Variants in LZTFL1 observed in about 807,000 individuals in gnomAD.
The protein encoded by LZTFL1 is leucine zipper transcription factor like 1, also known as leucine zipper transcription factor-like protein 1.
In LZTFL1, 25 loss-of-function variants were observed where a neutral mutation model predicts 45.9. That is an observed-to-expected ratio of 0.54 (90% confidence interval 0.40 to 0.76). The LOEUF is 0.76. Ranked by LOEUF, LZTFL1 falls within the 30% of genes least tolerant of loss-of-function variation. LZTFL1 has a pLI of 0.00. For synonymous variants in LZTFL1, 93 were observed against 117.4 expected, an observed-to-expected ratio of 0.79 and a Z score of 1.35; for missense variants, 277 against 331.1, an observed-to-expected ratio of 0.84 and a Z score of 1.27.
Position 45,901,397 on chromosome 3 carries a change from T to C in LZTFL1, c.-215+11723A>G. On this transcript the variant is annotated intron_variant, in intron 2 of 4. Coordinates refer to the LZTFL1 transcript ENST00000472635. The surrounding 1 kb of genome is among the most constrained non-coding windows in gnomAD (Gnocchi z 4.3). ...TTGCTATCTGCACCATGGTTTACCC[T>C]AGCGATGAGAGCACCAAACTGAAGT... 1 of 1,614,234 alleles carries C rather than the reference T, an allele frequency of 6.2e-7. No individual in the cohort carries two copies. Among genetic ancestry groups the C allele is most frequent in the Non-Finnish European group, 8.5e-7 (1 of 1,180,032 alleles).
chr3:45,904,687 T>G (rs1487230903), intron 2 of LZTFL1, among the ~76,000 whole-genome samples: 1 of 152,242 alleles, frequency 6.6e-6, no homozygotes. Context: ...GGTGTTGACT[T>G]GAATACAAAG....
chr3:45,839,677 G>T (rs1419848441), intron 1 of LZTFL1, among the ~76,000 whole-genome samples: 1 of 152,172 alleles, frequency 6.6e-6, no homozygotes, highest in Non-Finnish European at 1.5e-5. Context: ...AGGTAGGGGG[G>T]CCTGATTTGT....
chr3:45,834,565 C>A (rs1056218597), intron 3 of LZTFL1: 1 of 275,990 alleles, frequency 3.6e-6, no homozygotes, highest in African/African-American at 2.2e-5. Context: ...AATGTTAATA[C>A]AAATATGAGG....
At chr3:45,870,542 G>A (rs1181841729) in intron 2 of LZTFL1, among the ~76,000 whole-genome samples, 1 of 152,204 alleles carries the variant, frequency 6.6e-6, no homozygotes, top group African/African-American at 2.4e-5. Context: ...GATGAACAAT[G>A]AGTGCTTTTG....
intron 3 of LZTFL1, among the ~76,000 whole-genome samples, chr3:45,857,068 T>A (rs1701405010): frequency 6.6e-6 from 1 of 152,204 alleles, no homozygotes; most frequent in South Asian, 2.1e-4. Context: ...GATACATGCA[T>A]GTGTGTATTC....
intron 2 of LZTFL1, among the ~76,000 whole-genome samples, chr3:45,868,832 C>A (rs1029245162): frequency 6.6e-6 from 1 of 152,154 alleles, no homozygotes; most frequent in Non-Finnish European, 1.5e-5. Context: ...ATGGGGCAGG[C>A]CTTCTCCCCA....
At chr3:45,858,301 A>G (rs1017393923) in intron 3 of LZTFL1, among the ~76,000 whole-genome samples, 2 of 152,200 alleles carry the variant, frequency 1.3e-5, no homozygotes, top group African/African-American at 2.4e-5. Flanking sequence ...GAAAAATTCC[A>G]CAAGGCTTAT....
intron 2 of LZTFL1, among the ~76,000 whole-genome samples, chr3:45,863,906 G>A (rs1289516992): frequency 6.6e-6 from 1 of 152,178 alleles, no homozygotes; most frequent in African/African-American, 2.4e-5. Context: ...TGGTGAATTT[G>A]AATAATATAA....
intron 4 of LZTFL1, among the ~76,000 whole-genome samples, chr3:45,853,593 A>G (rs563098491): frequency 1.3e-5 from 2 of 152,252 alleles, no homozygotes; most frequent in South Asian, 2.1e-4. Context: ...ACTCTTGTCC[A>G]GGGTTAACTA....
chr3:45,914,534 A>G (rs1023327076), intron 1 of LZTFL1, among the ~76,000 whole-genome samples: 1 of 152,128 alleles, frequency 6.6e-6, no homozygotes, highest in African/African-American at 2.4e-5. Context: ...TCGGCCACCC[A>G]AAATGCTGGG....
intron 2 of LZTFL1, among the ~76,000 whole-genome samples, chr3:45,892,018 C>T (rs1702193791): frequency 6.6e-6 from 1 of 152,112 alleles, no homozygotes; most frequent in African/African-American, 2.4e-5. Flanking sequence ...TCAAATCCAA[C>T]ACCATCAACA....
At chr3:45,838,120 C>T (rs1701012761) in intron 1 of LZTFL1, 69 bp from the exon 2 acceptor site, 1 of 1,483,362 alleles carries the variant, frequency 6.7e-7, no homozygotes, top group Non-Finnish European at 9.1e-7. Context: ...AATGAAAATG[C>T]ATAAGATATC....
At chr3:45,885,179 C>T (rs2125732006) in intron 2 of LZTFL1, among the ~76,000 whole-genome samples, 1 of 152,292 alleles carries the variant, frequency 6.6e-6, no homozygotes. Context: ...GAGTACCACG[C>T]CATGACAGAG....
At chr3:45,868,943 C>T (rs1252149559) in intron 2 of LZTFL1, among the ~76,000 whole-genome samples, 4 of 152,302 alleles carry the variant, frequency 2.6e-5, no homozygotes, top group African/African-American at 9.6e-5. Flanking sequence ...AATGCAGACT[C>T]TCAGGCCCCA....
intron 2 of LZTFL1, among the ~76,000 whole-genome samples, chr3:45,888,037 T>C (rs1702036725): frequency 6.6e-6 from 1 of 152,236 alleles, no homozygotes; most frequent in African/African-American, 2.4e-5. Context: ...GTGTGCACAA[T>C]AACCCCATGC....
chr3:45,841,939 G>A, intron 1 of LZTFL1, 50 bp downstream of exon 1: 1 of 1,602,854 alleles, frequency 6.2e-7, no homozygotes, highest in Non-Finnish European at 8.5e-7. Context: ...TCCAGCCCCG[G>A]CCGCGCTCTC....
At chr3:45,843,650 T>C (rs1200208379), upstream of LZTFL1, among the ~76,000 whole-genome samples, 2 of 152,238 alleles carry the variant, frequency 1.3e-5, no homozygotes, top group East Asian at 3.8e-4. Flanking sequence ...CATCAGCTAG[T>C]TATTGTAATT....
intron 2 of LZTFL1, among the ~76,000 whole-genome samples, chr3:45,866,368 C>T (rs373363871): frequency 3.3e-5 from 5 of 151,972 alleles, no homozygotes; most frequent in African/African-American, 4.8e-5. Context: ...AAAATGAAGA[C>T]GAAAAATTTA....
At chr3:45,912,312 A>G (rs1702810100) in intron 2 of LZTFL1, among the ~76,000 whole-genome samples, 1 of 152,236 alleles carries the variant, frequency 6.6e-6, no homozygotes, top group South Asian at 2.1e-4. Flanking sequence ...ACTCTTTGGT[A>G]GAAATATTAC....
Sources: gnomAD v4.1 joint callset for allele counts (sites outside exome capture counted in the v4.1 genomes callset) on GRCh38, gnomAD v4.1.1 for gene constraint, Gnocchi (gnomAD v3.1) non-coding constraint, MANE v1.5 for transcripts, NCBI Gene and HGNC (gene_info 2026-07-23, HGNC 2026-07-21) for gene names.